The following SUCO variants were observed in gnomAD, a reference collection of about 807,000 sequenced individuals.
SUCO encodes the protein SUN domain-containing ossification factor.
Under a neutral mutation model 148.1 loss-of-function variants are expected in SUCO, and 57 were observed. The ratio of observed to expected loss-of-function variants is 0.38; its 90% CI spans 0.31 to 0.48. The LOEUF is 0.48. Ranked by LOEUF, SUCO falls within the 20% of genes least tolerant of loss-of-function variation. SUCO has a pLI of 0.96. For missense variants in SUCO, 1,331 were observed against 1,468.2 expected, an observed-to-expected ratio of 0.91 and a Z score of 1.53; for synonymous variants, 470 against 502.7, an observed-to-expected ratio of 0.93 and a Z score of 0.87.
In SUCO at chr1:172,579,182, T is replaced by A; in HGVS notation, c.1433-20T>A. The A allele has an allele frequency of 7.0e-7, 1 of 1,433,294 alleles. No individual in the cohort carries two copies. Among genetic ancestry groups the A allele is most frequent in the Non-Finnish European group, 9.8e-7 (1 of 1,019,992 alleles). The allele number at this position is 1,433,294 out of a possible 1,614,324, so 88.8% of individuals were successfully genotyped here. A position where few individuals can be genotyped will look rare whatever the true frequency, so the allele number is the denominator to read the frequency against. ...GGAGCTAGATCTCAGCATAATTACT[T>A]TTATTTTCGTTTTTAACAGATTATC... On this transcript the variant is annotated intron_variant, in intron 14 of 23. Transcript: ENST00000263688.
At chr1:172,599,942 A>C in intron 19 of SUCO, 122 bp from the exon 20 acceptor site, 1 of 655,938 alleles carries the variant, frequency 1.5e-6, no homozygotes, top group East Asian at 3.1e-5. Flanking sequence ...ACTCATTGAG[A>C]TTCCTATTAA....
At chr1:172,603,871 C>T (rs761044740) in intron 22 of SUCO, among the ~76,000 whole-genome samples, 3 of 151,694 alleles carry the variant, frequency 2.0e-5, no homozygotes, top group Non-Finnish European at 2.9e-5. Flanking sequence ...TATAGTATTC[C>T]ATTATATAGG....
At position 172,611,731 on chromosome 1, in the gene SUCO, T is replaced by A. The variant is rs916450970; in HGVS notation, c.*1472T>A. ...AGAGATACAGTGAGAAATTATGTGA[T>A]CTGTGTGTTGTGGGAAGAGAATTTT... is the stretch of plus-strand genomic sequence containing the variant. On this transcript the variant is annotated 3_prime_UTR_variant, in exon 24 of 24. Coordinates refer to ENST00000263688, the MANE Select transcript of SUCO (RefSeq NM_014283.5). The A allele has an allele frequency of 3.3e-5, 5 of 152,614 alleles. No homozygotes were observed. The highest frequency in any genetic ancestry group is 4.1e-4 in the South Asian group (2 of 4,824). The allele number at this position is 152,614 out of a possible 1,614,324, so 9.5% of individuals were successfully genotyped here. A position where few individuals can be genotyped will look rare whatever the true frequency, so the allele number is the denominator to read the frequency against.
rs377247783 is a variant in SUCO at position 172,553,336 on chromosome 1, A to G, written c.254A>G (p.His85Arg). 31 of 1,605,216 alleles carry G rather than the reference A, an allele frequency of 1.9e-5. No individual in the cohort carries two copies. Among genetic ancestry groups the G allele is most frequent in the South Asian group, 2.2e-5 (2 of 90,178 alleles). Residue 85 changes from histidine to arginine, a missense_variant, in exon 3 of 24, where the codon CAT (histidine) becomes CGT (arginine). Coordinates refer to ENST00000263688, the MANE Select transcript of SUCO (RefSeq NM_014283.5). ...GSNLPISPKE[H>R]KLKDDSIVDV... The stretch of plus-strand genomic sequence containing the variant: ...AATTTACCTATTTCTCCAAAAGAAC[A>G]TAAATTAAAAGATGATTCTATTGTG...
At chr1:172,537,186 C>T (rs547544193) in intron 1 of SUCO, among the ~76,000 whole-genome samples, 7 of 152,088 alleles carry the variant, frequency 4.6e-5, no homozygotes, top group African/African-American at 1.7e-4. Context: ...CTTGTGCATC[C>T]ACCTTAATTG....
chr1:172,532,395 A>C, upstream of SUCO: 1 of 1,129,138 alleles, frequency 8.9e-7, no homozygotes, highest in Admixed American at 2.5e-5. Flanking sequence ...AGCACACTTA[A>C]AGTGAGGAAC....
At position 172,611,599 on chromosome 1, in the gene SUCO, G is replaced by A. The variant is rs1658218789; in HGVS notation, c.*1340G>A. On this transcript the variant is annotated 3_prime_UTR_variant, in exon 24 of 24. Coordinates refer to ENST00000263688, the MANE Select transcript of SUCO (RefSeq NM_014283.5). ...TTTAAGTTGCTGCTTTAGGTTAACAGCGTGTTTTAGAAGATTTAAATTTCT... is the reference window on the plus strand; with the variant it reads ...TTTAAGTTGCTGCTTTAGGTTAACAACGTGTTTTAGAAGATTTAAATTTCT... The A allele has an allele frequency of 6.6e-6, 1 of 152,608 alleles. No homozygotes were observed. Among genetic ancestry groups the A allele is most frequent in the Non-Finnish European group, 1.5e-5 (1 of 68,022 alleles). 9.5% of individuals were successfully genotyped at this position (152,608 alleles called of 1,614,324 possible).
At chr1:172,568,357 A>G in intron 6 of SUCO, 1 of 903,834 alleles carries the variant, frequency 1.1e-6, no homozygotes, top group Non-Finnish European at 1.3e-6. Context: ...TATACTTAAT[A>G]ATAATTCTTT....
At position 172,553,379 on chromosome 1, in the gene SUCO, T is replaced by A; in HGVS notation, c.288+9T>A. On this transcript the variant is annotated intron_variant, in intron 3 of 23. Coordinates refer to ENST00000263688, the MANE Select transcript of SUCO (RefSeq NM_014283.5). ...CTATTGTGGATGTACAAGTAAGCTA[T>A]GTCGCTTTGATTTTCAATAATATGT... is the stretch of plus-strand genomic sequence containing the variant. The A allele has an allele frequency of 6.4e-7, 1 of 1,554,222 alleles. No homozygotes were observed. Among genetic ancestry groups the A allele is most frequent in the Non-Finnish European group, 8.8e-7 (1 of 1,139,248 alleles).
chr1:172,542,617 A>C (rs1465546672), intron 1 of SUCO: 1 of 363,196 alleles, frequency 2.8e-6, no homozygotes, highest in African/African-American at 2.2e-5. Flanking sequence ...CGAGGGATCT[A>C]GGTTGTGTAC....
chr1:172,591,562 G>A (rs1200533451), intron 19 of SUCO, among the ~76,000 whole-genome samples: 1 of 151,830 alleles, frequency 6.6e-6, no homozygotes, highest in East Asian at 1.9e-4. Flanking sequence ...AGTTTGCTCA[G>A]AATGATGGTT....
chr1:172,589,950 C>T (rs1656520107), intron 18 of SUCO, 24 bp downstream of exon 18: 2 of 1,496,900 alleles, frequency 1.3e-6, no homozygotes, highest in Non-Finnish European at 1.8e-6. Flanking sequence ...TGAATTAGCA[C>T]AGTCAGCTTC....
intron 17 of SUCO, among the ~76,000 whole-genome samples, chr1:172,587,861 C>T (rs912715651): frequency 3.9e-5 from 6 of 152,026 alleles, no homozygotes; most frequent in Non-Finnish European, 8.8e-5. Context: ...TATAAGGCTA[C>T]ACCCAGTAAT....
At chr1:172,548,492 C>T (rs1230713080) in intron 1 of SUCO, among the ~76,000 whole-genome samples, 1 of 151,874 alleles carries the variant, frequency 6.6e-6, no homozygotes, top group Non-Finnish European at 1.5e-5. Context: ...TTGATTAGCT[C>T]TTTTGTTTTC....
chr1:172,539,842 A>T (rs1287929545), intron 1 of SUCO, among the ~76,000 whole-genome samples: 1 of 152,220 alleles, frequency 6.6e-6, no homozygotes, highest in Non-Finnish European at 1.5e-5. Flanking sequence ...TTGATTATTC[A>T]CAATGTATTT....
intron 11 of SUCO, among the ~76,000 whole-genome samples, chr1:172,577,315 A>G (rs1430536933): frequency 6.6e-6 from 1 of 151,698 alleles, no homozygotes; most frequent in Non-Finnish European, 1.5e-5. Context: ...AAGTTAATTT[A>G]TTTCATTGCA....
intron 19 of SUCO, among the ~76,000 whole-genome samples, chr1:172,595,732 G>A (rs1203126597): frequency 6.6e-6 from 1 of 152,110 alleles, no homozygotes; most frequent in African/African-American, 2.4e-5. Flanking sequence ...TTTCAACTTT[G>A]GTGAATCTGA....
intron 9 of SUCO, among the ~76,000 whole-genome samples, chr1:172,571,484 G>C (rs1422596825): frequency 1.3e-5 from 2 of 151,238 alleles, no homozygotes; most frequent in East Asian, 2.0e-4. Context: ...CCGCCACCCC[G>C]TCTGGGAAGT....
intron 1 of SUCO, among the ~76,000 whole-genome samples, chr1:172,550,261 A>G (rs1653191029): frequency 6.6e-6 from 1 of 151,970 alleles, no homozygotes; most frequent in African/African-American, 2.4e-5. Flanking sequence ...CTACCCCTAT[A>G]TATTATTTTG....
Sources: gnomAD v4.1 joint callset for allele counts (sites outside exome capture counted in the v4.1 genomes callset) on GRCh38, gnomAD v4.1.1 for gene constraint, MANE v1.5 for transcripts, NCBI Gene and HGNC (gene_info 2026-07-23, HGNC 2026-07-21) for gene names.